SSH1: variants seen among roughly 807,000 people sequenced by gnomAD.
The protein encoded by SSH1 is slingshot protein phosphatase 1.
In SSH1, 43 loss-of-function variants were observed where a neutral mutation model predicts 79.7. That is an observed-to-expected ratio of 0.54 (90% CI 0.42 to 0.70). The LOEUF is 0.70. Among genes scored for constraint, SSH1 ranks in the 30% least tolerant of loss-of-function variants. The probability of loss-of-function intolerance (pLI) is 0.00; values close to 1 mark genes in which losing one functional copy is unlikely to be tolerated. For missense variants in SSH1, 1,206 were observed against 1,358.8 expected (o/e 0.89, Z 1.77); for synonymous variants, 599 against 538.3 (o/e 1.11, Z -1.56).
chr12:108,800,979 AAAGC>A, intron 11 of SSH1, 53 bp from the exon 12 acceptor site: 3 of 1,546,086 alleles, frequency 1.9e-6, no homozygotes, highest in South Asian at 2.3e-5. Context: ...ATGAGAAAGA[AAAGC>A]AAGGTAATAA....
At chr12:108,848,009 G>GT (rs2038937283) in intron 2 of SSH1, among the ~76,000 whole-genome samples, 2 of 152,188 alleles carry the variant, frequency 1.3e-5, no homozygotes, top group East Asian at 1.9e-4. Flanking sequence ...CCTAGGGAAC[G>GT]TGTGTGACGG....
At chr12:108,834,502 C>T (rs1258359767) in intron 2 of SSH1, 1 of 152,270 alleles carries the variant, frequency 6.6e-6, no homozygotes, top group African/African-American at 2.4e-5. Context: ...TCAGTGGATT[C>T]AACCAACTAC....
At chr12:108,809,643 G>C in intron 7 of SSH1, 50 bp downstream of exon 7, 1 of 1,515,732 alleles carries the variant, frequency 6.6e-7, no homozygotes, top group Middle Eastern at 1.7e-4. Flanking sequence ...TCATGCTGTC[G>C]GCTAAGAAAA....
intron 2 of SSH1, 52 bp from the exon 3 acceptor site, chr12:108,823,413 T>C: frequency 6.9e-7 from 1 of 1,458,198 alleles, no homozygotes; most frequent in South Asian, 1.2e-5. Context: ...GACAGGAAAA[T>C]GGACAAAGAA....
chr12:108,810,721 C>T (rs2037539310), intron 6 of SSH1, among the ~76,000 whole-genome samples: 1 of 152,256 alleles, frequency 6.6e-6, no homozygotes, highest in Non-Finnish European at 1.5e-5. Context: ...ACCGTGCCCA[C>T]ACACCTTCCT....
intron 3 of SSH1, among the ~76,000 whole-genome samples, chr12:108,819,422 G>A (rs2137167617): frequency 6.6e-6 from 1 of 152,324 alleles, no homozygotes; most frequent in African/African-American, 2.4e-5. Context: ...TGTAAGGGAG[G>A]TGCATAATTA....
chr12:108,800,999 G>T, intron 11 of SSH1, 73 bp from the exon 12 acceptor site: 1 of 1,476,426 alleles, frequency 6.8e-7, no homozygotes, highest in Non-Finnish European at 9.4e-7. Flanking sequence ...AATAAAAACT[G>T]GCAGAGAAAA....
chr12:108,816,888 C>T, intron 5 of SSH1, 150 bp downstream of exon 5: 1 of 1,188,448 alleles, frequency 8.4e-7, no homozygotes, highest in Non-Finnish European at 1.2e-6. Flanking sequence ...AAATGGCACA[C>T]CCTAGTGTTC....
intron 2 of SSH1, among the ~76,000 whole-genome samples, chr12:108,834,801 T>C (rs1202206245): frequency 6.6e-6 from 1 of 152,196 alleles, no homozygotes; most frequent in African/African-American, 2.4e-5. Context: ...AGGATGCACA[T>C]GCTTTTTAAA....
At chr12:108,802,675 T>C (rs937357731) in intron 10 of SSH1, among the ~76,000 whole-genome samples, 2 of 151,386 alleles carry the variant, frequency 1.3e-5, no homozygotes, top group African/African-American at 4.9e-5. Flanking sequence ...TTCCTAAGAG[T>C]CCAGTGGGGG....
At chr12:108,833,358 G>A (rs1388347783) in intron 2 of SSH1, among the ~76,000 whole-genome samples, 1 of 152,144 alleles carries the variant, frequency 6.6e-6, no homozygotes, top group Non-Finnish European at 1.5e-5. Context: ...TGCACTGTGC[G>A]GGAAATGCTA....
At chr12:108,829,295 C>A (rs542279119) in intron 2 of SSH1, among the ~76,000 whole-genome samples, 13 of 152,278 alleles carry the variant, frequency 8.5e-5, no homozygotes, top group Non-Finnish European at 1.8e-4. Flanking sequence ...CCACTGTACT[C>A]CAGCCTGGGC....
In SSH1 at chr12:108,778,740, T is replaced by TACC. The variant is rs577645668; in HGVS notation, c.*9245_*9247dup. 1,595 of 153,356 alleles carry TACC rather than the reference T, an allele frequency of 0.01. 14 individuals carry two copies. Among genetic ancestry groups the TACC allele is most frequent in the African/African-American group, 0.03 (1,226 of 41,504 alleles). The allele number at this position is 153,356 out of a possible 1,614,324, so 9.5% of individuals were successfully genotyped here. On this transcript the variant is annotated 3_prime_UTR_variant, in exon 15 of 15. Coordinates refer to ENST00000326495, the MANE Select transcript of SSH1 (RefSeq NM_018984.4). ...CAATTTCAAGAGCAAGAGGGAGGTC[T>TACC]ACCACCACCACCACCACCACCACCA...
chr12:108,838,520 T>C (rs1315327019), intron 2 of SSH1, among the ~76,000 whole-genome samples: 1 of 152,194 alleles, frequency 6.6e-6, no homozygotes, highest in East Asian at 1.9e-4. Context: ...CCTCCTATTG[T>C]GAAGGGCACG....
In SSH1 at chr12:108,807,758, T is replaced by C. The variant is rs747751352; in HGVS notation, c.606A>G (p.Val202=). The part of the protein sequence containing the change: ...ARRHNYFPGG[V]ALIWATYYES... ...CATAGTAGGTAGCCCAGATGAGAGC[T>C]ACACCCCCGGGGAAGTAGTTGTGCC... Residue 202 remains valine, a synonymous_variant, in exon 8 of 15, where the codon GTA becomes GTG. Transcript: ENST00000326495. This position sits in a 1 kb window ranked among gnomAD's most constrained non-coding sequence, Gnocchi z 5.2. The C allele has an allele frequency of 6.2e-7, 1 of 1,613,740 alleles. No homozygotes were observed.
intron 13 of SSH1, among the ~76,000 whole-genome samples, chr12:108,797,633 C>T (rs575883197): frequency 8.5e-5 from 13 of 152,268 alleles, no homozygotes; most frequent in African/African-American, 2.4e-4. Context: ...GCCTGGATGT[C>T]GGAGAGAGTG....
At chr12:108,802,253 C>G (rs1373280973) in intron 11 of SSH1, 69 bp downstream of exon 11, 7 of 1,482,300 alleles carry the variant, frequency 4.7e-6, no homozygotes, top group Non-Finnish European at 6.6e-6. Flanking sequence ...AGGTCTCCCC[C>G]TCCATGGCAG....
chr12:108,811,108 T>C, intron 6 of SSH1, 152 bp downstream of exon 6: 1 of 742,302 alleles, frequency 1.3e-6, no homozygotes, highest in Non-Finnish European at 2.4e-6. Context: ...CCTCGTGCCC[T>C]CTCACTCGAG....
At chr12:108,841,349 A>G (rs750535107) in intron 2 of SSH1, among the ~76,000 whole-genome samples, 4 of 152,256 alleles carry the variant, frequency 2.6e-5, no homozygotes, top group African/African-American at 9.6e-5. Context: ...GTTCTTTTGA[A>G]GTCTAAGTAC....
Sources: allele counts gnomAD v4.1 joint callset (sites outside exome capture counted in the v4.1 genomes callset), GRCh38; gene constraint gnomAD v4.1.1; non-coding constraint Gnocchi (gnomAD v3.1); transcripts MANE v1.5; gene names NCBI Gene and HGNC (gene_info 2026-07-23, HGNC 2026-07-21).